ZFHX3: variants seen among roughly 807,000 people sequenced by gnomAD.
The protein encoded by ZFHX3 is zinc finger homeobox 3, also known as zinc finger homeobox protein 3.
In ZFHX3, 42 loss-of-function variants were observed where a neutral mutation model predicts 279.1. That is an observed-to-expected ratio of 0.15 (90% CI 0.12 to 0.19). The LOEUF is 0.19. ZFHX3 is among the 10% of genes least tolerant of loss of function. The pLI, the probability that ZFHX3 is intolerant of heterozygous loss-of-function variation, is 1.00. For synonymous variants in ZFHX3, 2,293 were observed against 1,957.8 expected (o/e 1.17, Z -4.52); for missense variants, 4,981 against 4,754.0 (o/e 1.05, Z -1.40).
chr16:72,821,576 G>A (rs2036791459), intron 5 of ZFHX3, among the ~76,000 whole-genome samples: 1 of 152,144 alleles, frequency 6.6e-6, no homozygotes, highest in Admixed American at 6.5e-5. Flanking sequence ...TTTGCCTAAG[G>A]CCAAGTTCTC....
rs2039496192 is a variant in ZFHX3, at chr16:72,918,405, A to C, written c.3217-28443T>G. On this transcript the variant is annotated intron_variant, in intron 3 of 9. Coordinates refer to ENST00000268489, the MANE Select transcript of ZFHX3 (RefSeq NM_006885.4). ...ACAATAATACTACGCAGCTATTAAA[A>C]ATTATGATGGAAAAAATAGTGACAT... 1.3e-5 allele frequency among the ~76,000 whole-genome samples: 2 copies of C among 152,232 alleles called. 1 individual carries two copies. Among genetic ancestry groups the C allele is most frequent in the South Asian group, 4.1e-4 (2 of 4,830 alleles).
intron 5 of ZFHX3, among the ~76,000 whole-genome samples, chr16:73,146,590 T>C (rs1006282058): frequency 6.6e-6 from 1 of 152,204 alleles, no homozygotes; most frequent in East Asian, 1.9e-4. Flanking sequence ...TCTTGAGTTA[T>C]GCCTTGAGAA....
At chr16:73,020,860 C>T (rs1463324156) in intron 1 of ZFHX3, among the ~76,000 whole-genome samples, 1 of 152,058 alleles carries the variant, frequency 6.6e-6, no homozygotes, top group African/African-American at 2.4e-5. Flanking sequence ...TCCACTTCAT[C>T]CCGCCCCCCC....
intron 3 of ZFHX3, among the ~76,000 whole-genome samples, chr16:73,340,111 G>T (rs947411480): frequency 6.6e-6 from 1 of 152,186 alleles, no homozygotes; most frequent in Non-Finnish European, 1.5e-5. Flanking sequence ...GGCTTACGTT[G>T]CAGTAGGGAA....
intron 5 of ZFHX3, among the ~76,000 whole-genome samples, chr16:73,239,561 C>T (rs1030419519): frequency 4.6e-5 from 7 of 152,216 alleles, no homozygotes; most frequent in African/African-American, 1.7e-4. Context: ...CCCAGTCATT[C>T]CAACACAGGT....
intron 1 of ZFHX3, among the ~76,000 whole-genome samples, chr16:73,877,541 A>T (rs943152342): frequency 5.9e-5 from 9 of 152,204 alleles, no homozygotes; most frequent in Non-Finnish European, 1.0e-4. Flanking sequence ...CTTAATCCTG[A>T]TATTGGGACA....
At chr16:73,345,621 T>C (rs891574106) in intron 3 of ZFHX3, among the ~76,000 whole-genome samples, 1 of 152,214 alleles carries the variant, frequency 6.6e-6, no homozygotes, top group African/African-American at 2.4e-5. Flanking sequence ...GTACCACATT[T>C]TCTTTATCCG....
At chr16:72,877,905 C>G (rs1375216350) in intron 4 of ZFHX3, among the ~76,000 whole-genome samples, 2 of 152,164 alleles carry the variant, frequency 1.3e-5, no homozygotes, top group Admixed American at 1.3e-4. Flanking sequence ...CAACTCACAC[C>G]TGAATTATAG....
In ZFHX3 at chr16:73,587,706, A is replaced by C. The variant is rs540946171; in HGVS notation, c.-1547+92474T>G. 2.8e-4 allele frequency among the ~76,000 whole-genome samples: 43 copies of C among 152,358 alleles called. 1 individual carries two copies. The highest frequency in any genetic ancestry group is 2.5e-3 in the Admixed American group (38 of 15,302). ...ATAAAGAAAACATACCCAATAGAGA[A>C]ATAGTAATTGGAGAGTTTGAGTAAT... On this transcript the variant is annotated intron_variant, in intron 2 of 17. Coordinates refer to the ZFHX3 transcript ENST00000641206.
intron 2 of ZFHX3, among the ~76,000 whole-genome samples, chr16:73,506,601 A>G (rs910681218): frequency 3.9e-5 from 6 of 152,338 alleles, no homozygotes; most frequent in Admixed American, 3.3e-4. Flanking sequence ...CCTGGCCAAG[A>G]ACCACAGGGG....
At position 72,785,164 on chromosome 16, in the gene ZFHX3, C is replaced by CTATT. The variant is rs899956392; in HGVS notation, c.*1996_*1999dup. ...CTATGAAAGTGAAACAGCAAAGCATCTATTTATTTGTCTCCAAAATCTATG... is the reference window on the plus strand; with the variant it reads ...CTATGAAAGTGAAACAGCAAAGCATCTATTTATTTATTTGTCTCCAAAATCTATG... On this transcript the variant is annotated 3_prime_UTR_variant, in exon 10 of 10. Coordinates refer to ENST00000268489, the MANE Select transcript of ZFHX3 (RefSeq NM_006885.4). The CTATT allele has an allele frequency of 2.0e-5, 3 of 152,608 alleles. No homozygotes were observed. Among genetic ancestry groups the CTATT allele is most frequent in the African/African-American group, 4.8e-5 (2 of 41,420 alleles). 9.5% of individuals were successfully genotyped at this position (152,608 alleles called of 1,614,324 possible). A position where few individuals can be genotyped will look rare whatever the true frequency, so the allele number is the denominator to read the frequency against.
intron 2 of ZFHX3, among the ~76,000 whole-genome samples, chr16:73,524,407 A>G (rs115213608): frequency 6.6e-6 from 1 of 152,166 alleles, no homozygotes; most frequent in Admixed American, 6.5e-5. Context: ...CATCAACTGA[A>G]GTCTTGCGGC....
intron 4 of ZFHX3, among the ~76,000 whole-genome samples, chr16:73,264,805 C>T (rs1472510502): frequency 6.6e-6 from 1 of 152,066 alleles, no homozygotes; most frequent in Non-Finnish European, 1.5e-5. Flanking sequence ...CAGAGCTTAG[C>T]TCTCACTTAT....
chr16:73,743,841 T>G lies in ZFHX3; in HGVS notation c.-1607-63601A>C, dbSNP rs1431760849. On this transcript the variant is annotated intron_variant, in intron 1 of 17. Transcript: ENST00000641206. ...AGCTTATGGAAGCACTGCAAACAGCTGCAGACACAACTCTAGGGGGCGCCA... is the reference window on the plus strand; with the variant it reads ...AGCTTATGGAAGCACTGCAAACAGCGGCAGACACAACTCTAGGGGGCGCCA... Among the ~76,000 whole-genome samples the G allele has an allele frequency of 2.6e-5, 4 of 152,098 alleles. No individual in the cohort carries two copies. In the East Asian group the frequency reaches 7.7e-4, roughly 29 times the overall value.
intron 5 of ZFHX3, among the ~76,000 whole-genome samples, chr16:73,208,984 A>G: frequency 6.6e-6 from 1 of 152,120 alleles, no homozygotes; most frequent in Non-Finnish European, 1.5e-5. Context: ...TTTTGTAAGC[A>G]AATCATGGTC....
intron 1 of ZFHX3, among the ~76,000 whole-genome samples, chr16:72,969,610 C>G (rs933266936): frequency 1.3e-5 from 2 of 152,032 alleles, no homozygotes; most frequent in Non-Finnish European, 2.9e-5. Context: ...AAGCAACTAT[C>G]CCCTCACTAA....
chr16:72,872,759 T>A (rs1486175399), intron 4 of ZFHX3, among the ~76,000 whole-genome samples: 1 of 152,160 alleles, frequency 6.6e-6, no homozygotes, highest in African/African-American at 2.4e-5. Flanking sequence ...TGCCTGGCCA[T>A]GTATTTGTTT....
chr16:73,121,318 T>C (rs1287459078), intron 7 of ZFHX3, among the ~76,000 whole-genome samples: 1 of 152,228 alleles, frequency 6.6e-6, no homozygotes, highest in Non-Finnish European at 1.5e-5. Context: ...ATTTTTACAT[T>C]GATTGCATAG....
chr16:73,420,263 C>A (rs947936392), intron 3 of ZFHX3: 8 of 152,282 alleles, frequency 5.3e-5, no homozygotes, highest in African/African-American at 1.9e-4. Flanking sequence ...ATATAAGATT[C>A]TGTGTAAGTG....
Sources: allele counts gnomAD v4.1 joint callset (sites outside exome capture counted in the v4.1 genomes callset), GRCh38; gene constraint gnomAD v4.1.1; transcripts MANE v1.5; gene names NCBI Gene and HGNC (gene_info 2026-07-23, HGNC 2026-07-21).